Variants in RNF115 observed in about 807,000 individuals in gnomAD.
RNF115 encodes the protein ring finger protein 115.
Under a neutral mutation model 39.2 loss-of-function variants are expected in RNF115, and 31 were observed. The ratio of observed to expected loss-of-function variants is 0.79; its 90% confidence interval spans 0.59 to 1.07. The LOEUF (loss-of-function observed/expected upper bound fraction) is 1.07, where lower values mean the gene tolerates loss of function less well. RNF115 is among the 50% of genes least tolerant of loss of function. RNF115 has a pLI of 0.00. For synonymous variants in RNF115, 124 were observed against 131.0 expected (o/e 0.95, Z 0.37); for missense variants, 384 against 381.7 (o/e 1.01, Z -0.05).
Position 145,746,817 on chromosome 1 carries a change from C to T in RNF115, c.*49G>A. ...TTTTTTGTTTTGATACAATTTACAG[C>T]TATGGTAAGATGATTACCACAGCCC... On this transcript the variant is annotated 3_prime_UTR_variant, in exon 9 of 9. Coordinates refer to ENST00000582693, the MANE Select transcript of RNF115 (RefSeq NM_014455.4). 1.3e-6 allele frequency: 2 copies of T among 1,583,666 alleles called. No homozygotes were observed. The highest frequency in any genetic ancestry group is 1.7e-6 in the Non-Finnish European group (2 of 1,161,050).
At chr1:145,775,781 A>C (rs1336707440) in intron 3 of RNF115, among the ~76,000 whole-genome samples, 1 of 152,044 alleles carries the variant, frequency 6.6e-6, no homozygotes. Flanking sequence ...GGGATCACTG[A>C]GGCCAGAAGT....
chr1:145,793,922 C>A (rs1354269396), intron 1 of RNF115, among the ~76,000 whole-genome samples: 1 of 151,298 alleles, frequency 6.6e-6, no homozygotes, highest in African/African-American at 2.4e-5. Context: ...TGGCTCACTG[C>A]AACCTCTGCC....
At chr1:145,784,064 T>C (rs1571749557) in intron 3 of RNF115, among the ~76,000 whole-genome samples, 2 of 152,312 alleles carry the variant, frequency 1.3e-5, no homozygotes, top group Non-Finnish European at 2.9e-5. Flanking sequence ...ACATCCTTAA[T>C]CTACACCAAA....
At chr1:145,784,825 T>C (rs898921410) in intron 2 of RNF115, among the ~76,000 whole-genome samples, 1 of 151,982 alleles carries the variant, frequency 6.6e-6, no homozygotes, top group African/African-American at 2.4e-5. Flanking sequence ...CAGTGAAAAA[T>C]TGGAGAAGCC....
chr1:145,776,610 G>A (rs1390997662), intron 3 of RNF115, among the ~76,000 whole-genome samples: 3 of 152,020 alleles, frequency 2.0e-5, no homozygotes, highest in Non-Finnish European at 2.9e-5. Context: ...AGGCTGAGGC[G>A]GGTGGATCAC....
At chr1:145,763,074 T>C (rs1026124913) in intron 4 of RNF115, among the ~76,000 whole-genome samples, 10 of 152,184 alleles carry the variant, frequency 6.6e-5, no homozygotes, top group Admixed American at 6.5e-5. Context: ...GCTTAGGCCA[T>C]GGGATCATTA....
At chr1:145,811,377 A>G (rs1401813906) in intron 1 of RNF115, among the ~76,000 whole-genome samples, 1 of 145,030 alleles carries the variant, frequency 6.9e-6, no homozygotes, top group African/African-American at 2.5e-5. Flanking sequence ...AAAAAAAAAG[A>G]AAAAAGAAGA....
chr1:145,823,981 A>C lies in RNF115; in HGVS notation c.-108T>G. The C allele has an allele frequency of 1.3e-5, 10 of 769,940 alleles. No individual in the cohort carries two copies. The highest frequency in any genetic ancestry group is 1.9e-5 in the Non-Finnish European group (10 of 528,992). The allele number at this position is 769,940 out of a possible 1,614,324, so 47.7% of individuals were successfully genotyped here. A position where few individuals can be genotyped will look rare whatever the true frequency, so the allele number is the denominator to read the frequency against. On this transcript the variant is annotated 5_prime_UTR_variant, in exon 1 of 9. Coordinates refer to ENST00000582693, the MANE Select transcript of RNF115 (RefSeq NM_014455.4). ...CGCCGCCGCCGCCTCGGTGCGGCCC[A>C]CCGCTTCAGAGCCCGCGTCGGTCAC...
intron 1 of RNF115, among the ~76,000 whole-genome samples, chr1:145,819,542 G>T (rs1329746479): frequency 6.6e-6 from 1 of 152,124 alleles, no homozygotes; most frequent in Non-Finnish European, 1.5e-5. Context: ...ACGAAGAAGA[G>T]CTTGTACCAA....
chr1:145,788,270 C>T (rs1356340962), intron 2 of RNF115, among the ~76,000 whole-genome samples: 1 of 152,088 alleles, frequency 6.6e-6, no homozygotes, highest in East Asian at 1.9e-4. Context: ...TTAATGGAGA[C>T]GGGGTTTCAC....
In RNF115 at chr1:145,747,002, A is replaced by G; in HGVS notation, c.784-5T>C. Reference sequence around the variant, plus strand: ...ACATACAGGACATGTGTCATGCTGAAACAGAAAAATATTAGTCTATGTGAA... The same window carrying G: ...ACATACAGGACATGTGTCATGCTGAGACAGAAAAATATTAGTCTATGTGAA... On this transcript the variant is annotated splice_polypyrimidine_tract_variant and splice_region_variant and intron_variant, in intron 8 of 8. Coordinates refer to ENST00000582693, the MANE Select transcript of RNF115 (RefSeq NM_014455.4). 1 of 1,609,280 alleles carries G rather than the reference A, an allele frequency of 6.2e-7. No homozygotes were observed. The highest frequency in any genetic ancestry group is 8.5e-7 in the Non-Finnish European group (1 of 1,176,796).
At chr1:145,791,504 C>A (rs587695168) in intron 1 of RNF115, among the ~76,000 whole-genome samples, 1 of 148,132 alleles carries the variant, frequency 6.8e-6, no homozygotes. Context: ...AAGAGCGAAA[C>A]TCCACCTCAA....
At chr1:145,763,283 T>C (rs1047679984) in intron 4 of RNF115, among the ~76,000 whole-genome samples, 29 of 152,186 alleles carry the variant, frequency 1.9e-4, no homozygotes, top group Admixed American at 5.9e-4. Flanking sequence ...TAATGTACCC[T>C]ACACAGCGAA....
chr1:145,806,770 T>C (rs1649481668), intron 1 of RNF115, among the ~76,000 whole-genome samples: 1 of 152,206 alleles, frequency 6.6e-6, no homozygotes, highest in Non-Finnish European at 1.5e-5. Flanking sequence ...CGAAGCTTCT[T>C]GTACTGTCTG....
chr1:145,781,894 C>T (rs939121835), intron 3 of RNF115, among the ~76,000 whole-genome samples: 1 of 148,588 alleles, frequency 6.7e-6, no homozygotes, highest in African/African-American at 2.5e-5. Context: ...ACTCTGTACA[C>T]TTTTCCTTTT....
chr1:145,746,973 T>C lies in RNF115; in HGVS notation c.808A>G (p.Lys270Glu). 6.2e-7 allele frequency: 1 copy of C among 1,613,932 alleles called. No homozygotes were observed. The highest frequency in any genetic ancestry group is 8.5e-7 in the Non-Finnish European group (1 of 1,179,890). Residue 270 changes from lysine (K) to glutamate (E), a missense_variant, in exon 9 of 9, where the codon AAG becomes GAG. By Grantham distance (56) the Lys-to-Glu change is moderately conservative. Coordinates refer to ENST00000582693, the MANE Select transcript of RNF115 (RefSeq NM_014455.4). ...GTAGAGTCCTCACCATTTAAGCTCT[T>C]CCTACATACAGGACATGTGTCATGC... is the stretch of plus-strand genomic sequence containing the variant. ...ELHDTCPVCR[K>E]SLNGEDSTRQ...
intron 1 of RNF115, among the ~76,000 whole-genome samples, chr1:145,809,557 C>CGAT (rs1276994565): frequency 2.2e-5 from 2 of 90,346 alleles, no homozygotes; most frequent in East Asian, 6.7e-4. Context: ...TGCAGTAGTG[C>CGAT]GATCTTGGCT....
At chr1:145,772,995 A>C (rs1647709281) in intron 3 of RNF115, 1 of 152,168 alleles carries the variant, frequency 6.6e-6, no homozygotes, top group Non-Finnish European at 1.5e-5. Flanking sequence ...GAGCTCCCCT[A>C]GTGAATTTTC....
chr1:145,815,230 T>C (rs1349995165), intron 1 of RNF115, among the ~76,000 whole-genome samples: 1 of 152,306 alleles, frequency 6.6e-6, no homozygotes, highest in Non-Finnish European at 1.5e-5. Context: ...TACTTATTGA[T>C]AAGGAAAACA....
Sources: gnomAD v4.1 joint callset for allele counts (sites outside exome capture counted in the v4.1 genomes callset) on GRCh38, gnomAD v4.1.1 for gene constraint, MANE v1.5 for transcripts, NCBI Gene and HGNC (gene_info 2026-07-23, HGNC 2026-07-21) for gene names.